The following PIBF1 variants were observed in gnomAD, a reference collection of about 807,000 sequenced individuals.
The protein encoded by PIBF1 is progesterone immunomodulatory binding factor 1.
In PIBF1, 90 loss-of-function variants were observed where a neutral mutation model predicts 112.5. The ratio of observed to expected loss-of-function variants is 0.80; its 90% CI spans 0.67 to 0.95. The LOEUF (loss-of-function observed/expected upper bound fraction) is 0.95. Among genes scored for constraint, PIBF1 ranks in the 40% least tolerant of loss-of-function variants. The probability of loss-of-function intolerance (pLI) is 0.00; values close to 1 mark genes in which losing one functional copy is unlikely to be tolerated. For synonymous variants in PIBF1, 301 were observed against 288.6 expected, an observed-to-expected ratio of 1.04 and a Z score of -0.44; for missense variants, 915 against 852.3, an observed-to-expected ratio of 1.07 and a Z score of -0.92.
intron 5 of PIBF1, among the ~76,000 whole-genome samples, chr13:72,808,291 A>C (rs1041636201): frequency 6.6e-6 from 1 of 152,218 alleles, no homozygotes; most frequent in Non-Finnish European, 1.5e-5. Flanking sequence ...AATTGTTAAA[A>C]TAGGAGCTTT....
chr13:72,797,014 G>C (rs118011045), intron 4 of PIBF1, among the ~76,000 whole-genome samples: 17 of 152,240 alleles, frequency 1.1e-4, no homozygotes, highest in Admixed American at 3.3e-4. Flanking sequence ...CTAATTTGCT[G>C]TGATGATTTC....
chr13:72,976,019 G>T (rs1342141812), intron 16 of PIBF1, among the ~76,000 whole-genome samples: 2 of 152,052 alleles, frequency 1.3e-5, no homozygotes, highest in African/African-American at 4.8e-5. Flanking sequence ...CCAACACTTG[G>T]AATCACATTA....
chr13:72,883,126 A>C (rs534712744), intron 10 of PIBF1, among the ~76,000 whole-genome samples: 36 of 152,326 alleles, frequency 2.4e-4, no homozygotes, highest in African/African-American at 6.5e-4. Context: ...AATGTGGTAC[A>C]TATACATAAT....
intron 5 of PIBF1, among the ~76,000 whole-genome samples, chr13:72,798,244 C>A (rs376126305): frequency 6.6e-6 from 1 of 152,136 alleles, no homozygotes; most frequent in African/African-American, 2.4e-5. Context: ...TATAGTTGAG[C>A]TTTTATTGTT....
chr13:72,935,304 G>A (rs1175604019), intron 14 of PIBF1, among the ~76,000 whole-genome samples: 1 of 152,142 alleles, frequency 6.6e-6, no homozygotes, highest in Admixed American at 6.5e-5. Flanking sequence ...TTTTATATAA[G>A]AGGAATCATA....
chr13:72,922,381 AAT>A (rs2041329168), intron 13 of PIBF1, among the ~76,000 whole-genome samples: 1 of 152,214 alleles, frequency 6.6e-6, no homozygotes, highest in Non-Finnish European at 1.5e-5. Flanking sequence ...TAAACTTGAA[AAT>A]CTGAAGTAAT....
chr13:72,917,517 A>G lies in PIBF1; in HGVS notation c.1730+351A>G, dbSNP rs907312861. Reference sequence around the variant, plus strand: ...TTTTTCTTTCTCTCATTTTTATTCAACTGCCTACATTCCTTCACATACATG... The same window carrying G: ...TTTTTCTTTCTCTCATTTTTATTCAGCTGCCTACATTCCTTCACATACATG... On this transcript the variant is annotated intron_variant, in intron 13 of 17. Transcript: ENST00000326291. Among the ~76,000 whole-genome samples the G allele has an allele frequency of 4.6e-5, 7 of 152,044 alleles. 1 individual carries two copies. The highest frequency in any genetic ancestry group is 7.4e-5 in the Non-Finnish European group (5 of 67,992).
intron 9 of PIBF1, among the ~76,000 whole-genome samples, chr13:72,846,890 C>T (rs571099809): frequency 5.9e-5 from 9 of 152,132 alleles, no homozygotes; most frequent in East Asian, 5.8e-4. Context: ...GTGCCTGGTA[C>T]GCAGTAAACA....
intron 5 of PIBF1, among the ~76,000 whole-genome samples, chr13:72,811,457 G>GT (rs1262650873): frequency 6.6e-6 from 1 of 151,984 alleles, no homozygotes; most frequent in Admixed American, 6.6e-5. Flanking sequence ...TCAGCTGGGT[G>GT]TGGTGGTAGG....
At chr13:72,970,491 C>A (rs1167709682) in intron 15 of PIBF1, 1 of 152,122 alleles carries the variant, frequency 6.6e-6, no homozygotes, top group African/African-American at 2.4e-5. Flanking sequence ...ACAAAGCTAT[C>A]CCAGAGTGTA....
chr13:73,008,420 T>C (rs143533181), intron 17 of PIBF1, among the ~76,000 whole-genome samples: 3 of 152,308 alleles, frequency 2.0e-5, no homozygotes, highest in East Asian at 3.9e-4. Flanking sequence ...TCTTGCATAG[T>C]AGAAAGGCTT....
intron 10 of PIBF1, among the ~76,000 whole-genome samples, chr13:72,876,134 C>CTTTTTTTTTTTTTTTTTTTTTTTT (rs386363749): frequency 2.2e-5 from 2 of 91,214 alleles, no homozygotes; most frequent in Non-Finnish European, 4.0e-5. Flanking sequence ...TGTTCAGATT[C>CTTTTTTTTTTTTTTTTTTTTTTTT]TTTTTTTTTT....
chr13:72,884,894 AGTGATTTAGTTCTTATTAT>A (rs939565368), intron 10 of PIBF1, among the ~76,000 whole-genome samples: 8 of 152,120 alleles, frequency 5.3e-5, no homozygotes, highest in African/African-American at 1.4e-4. Context: ...GTGGGGAAAT[AGTGATTTAGTTCTTATTAT>A]GTGATTTAGT....
At position 72,897,018 on chromosome 13, in the gene PIBF1, C is replaced by T. The variant is rs938338685; in HGVS notation, c.1488+3069C>T. 3.3e-5 allele frequency among the ~76,000 whole-genome samples: 5 copies of T among 152,032 alleles called. No homozygotes were observed. The South Asian group carries it at 6.2e-4, about 19-fold the overall frequency. ...GTCGTCAGGTTATCCAAAGTTAAGA[C>T]GAAGGAAAGAATCTTAAGAGCTGTG... On this transcript the variant is annotated intron_variant, in intron 11 of 17. Coordinates refer to ENST00000326291, the MANE Select transcript of PIBF1 (RefSeq NM_006346.4).
chr13:72,826,606 T>A (rs2036823071), intron 6 of PIBF1, among the ~76,000 whole-genome samples: 1 of 151,908 alleles, frequency 6.6e-6, no homozygotes, highest in Non-Finnish European at 1.5e-5. Flanking sequence ...GTATCTACTA[T>A]GCAATCTAAA....
At chr13:72,920,220 T>C (rs929499341) in intron 13 of PIBF1, among the ~76,000 whole-genome samples, 1 of 152,248 alleles carries the variant, frequency 6.6e-6, no homozygotes, top group Admixed American at 6.5e-5. Flanking sequence ...CTGAGCTATC[T>C]ATGTGCCTTG....
chr13:72,961,298 A>G (rs1162021923), intron 14 of PIBF1, among the ~76,000 whole-genome samples: 1 of 151,920 alleles, frequency 6.6e-6, no homozygotes, highest in African/African-American at 2.4e-5. Flanking sequence ...GCTTTCCACT[A>G]TATCCATCCC....
chr13:72,791,309 C>T (rs192716277), intron 2 of PIBF1, among the ~76,000 whole-genome samples: 2 of 152,126 alleles, frequency 1.3e-5, no homozygotes, highest in Admixed American at 6.6e-5. Context: ...CCGCCTCATC[C>T]TCCCAAAGTG....
chr13:72,833,869 G>C (rs1435936929), intron 8 of PIBF1, among the ~76,000 whole-genome samples: 1 of 152,184 alleles, frequency 6.6e-6, no homozygotes, highest in Non-Finnish European at 1.5e-5. Context: ...TTCCCCAGGT[G>C]CTCTGTCCCA....
Sources: gnomAD v4.1 joint callset for allele counts (sites outside exome capture counted in the v4.1 genomes callset) on GRCh38, gnomAD v4.1.1 for gene constraint, MANE v1.5 for transcripts, NCBI Gene and HGNC (gene_info 2026-07-23, HGNC 2026-07-21) for gene names.